Variants in AKAP9 observed in about 807,000 individuals in gnomAD.
AKAP9 encodes the protein A-kinase anchoring protein 9.
In AKAP9, 311 loss-of-function variants were observed where a neutral mutation model predicts 488.5. That is an observed-to-expected ratio of 0.64 (90% CI 0.58 to 0.70). The LOEUF (loss-of-function observed/expected upper bound fraction) is 0.70. Ranked by LOEUF, AKAP9 falls within the 30% of genes least tolerant of loss-of-function variation. The pLI is 0.00. For synonymous variants in AKAP9, 1,462 were observed against 1,483.5 expected (o/e 0.99, Z 0.33); for missense variants, 4,215 against 4,374.5 (o/e 0.96, Z 1.03).
intron 8 of AKAP9, among the ~76,000 whole-genome samples, chr7:92,006,096 C>T (rs768648944): frequency 2.0e-5 from 3 of 151,970 alleles, no homozygotes; most frequent in Non-Finnish European, 2.9e-5. Flanking sequence ...TGGGAGAAGA[C>T]CTGAATTTGA....
In AKAP9 at chr7:92,070,153, A is replaced by G; in HGVS notation, c.6454A>G (p.Arg2152Gly). 6.2e-7 allele frequency: 1 copy of G among 1,614,178 alleles called. No homozygotes were observed. Among genetic ancestry groups the G allele is most frequent in the Non-Finnish European group, 8.5e-7 (1 of 1,180,012 alleles). Residue 2152 changes from arginine to glycine, a missense_variant, in exon 27 of 50, where the codon AGA (arginine) becomes GGA (glycine). Around this residue, in one of 5 missense-constraint regions of AKAP9, gnomAD observed 2,361 missense variants for 2,430.0 expected, o/e 0.97. Transcript: ENST00000356239. Reference protein sequence around the residue: ...RNEEIEKLEFRVRELEQALLV... With the variant: ...RNEEIEKLEFGVRELEQALLV... ...TGAAGAAATAGAGAAACTGGAGTTC[A>G]GAGTAAGAGAACTGGAGCAGGCGCT...
intron 8 of AKAP9, among the ~76,000 whole-genome samples, chr7:92,010,822 T>G (rs1800646260): frequency 6.6e-6 from 1 of 152,110 alleles, no homozygotes; most frequent in African/African-American, 2.4e-5. Context: ...CCTGGCTAAT[T>G]TATTATTATT....
intron 14 of AKAP9, among the ~76,000 whole-genome samples, chr7:92,029,265 G>A (rs901061682): frequency 7.2e-5 from 11 of 151,966 alleles, no homozygotes; most frequent in East Asian, 3.8e-4. Flanking sequence ...AAAAAAGTCC[G>A]AAAGTGAATA....
intron 1 of AKAP9, among the ~76,000 whole-genome samples, chr7:91,945,402 G>A (rs1791341896): frequency 6.6e-6 from 1 of 152,182 alleles, no homozygotes; most frequent in South Asian, 2.1e-4. Flanking sequence ...AGCTACTGGG[G>A]AGGTGGAGGC....
chr7:92,030,425 G>A (rs1563013518), intron 15 of AKAP9, among the ~76,000 whole-genome samples: 1 of 152,000 alleles, frequency 6.6e-6, no homozygotes, highest in Admixed American at 6.6e-5. Context: ...TGTGGATCAC[G>A]AGGTCAGGAG....
In AKAP9 at chr7:91,940,988, C is replaced by A; in HGVS notation, c.-112C>A. 2 of 1,130,834 alleles carry A rather than the reference C, an allele frequency of 1.8e-6. No individual in the cohort carries two copies. The highest frequency in any genetic ancestry group is 2.4e-5 in the East Asian group (1 of 42,384). 70.1% of individuals were successfully genotyped at this position (1,130,834 alleles called of 1,614,324 possible). Reference sequence around the variant, plus strand: ...CGGGCGGGGGAGCGCCGGACCGAATCGGCTCTCTAGGCCGTGGAGCTTGCC... The same window carrying A: ...CGGGCGGGGGAGCGCCGGACCGAATAGGCTCTCTAGGCCGTGGAGCTTGCC... On this transcript the variant is annotated 5_prime_UTR_variant, in exon 1 of 50. Coordinates refer to ENST00000356239, the MANE Select transcript of AKAP9 (RefSeq NM_005751.5).
At chr7:92,042,647 C>A (rs1241390482) in intron 19 of AKAP9, 21 bp from the exon 20 acceptor site, 1 of 1,551,782 alleles carries the variant, frequency 6.4e-7, no homozygotes, top group Non-Finnish European at 8.9e-7. Context: ...CTCCTCTCTT[C>A]CTTTACACAA....
chr7:91,950,565 ATTAG>A (rs952649275), intron 1 of AKAP9, among the ~76,000 whole-genome samples: 1 of 152,158 alleles, frequency 6.6e-6, no homozygotes, highest in Non-Finnish European at 1.5e-5. Flanking sequence ...GTATTGCCTT[ATTAG>A]TTGTTTCCCC....
intron 22 of AKAP9, among the ~76,000 whole-genome samples, chr7:92,054,640 C>T (rs1298022587): frequency 6.6e-6 from 1 of 152,108 alleles, no homozygotes; most frequent in Non-Finnish European, 1.5e-5. Context: ...GATTTCATAA[C>T]CTGTATTATA....
intron 14 of AKAP9, among the ~76,000 whole-genome samples, chr7:92,027,247 TC>T (rs1803392846): frequency 3.9e-5 from 4 of 103,748 alleles, no homozygotes; most frequent in Admixed American, 1.1e-4. Context: ...CGGCTGCCCA[TC>T]GTCTGGGAAG....
At chr7:92,074,413 G>A (rs1563092851) in intron 28 of AKAP9, among the ~76,000 whole-genome samples, 1 of 152,156 alleles carries the variant, frequency 6.6e-6, no homozygotes, top group Admixed American at 6.5e-5. Flanking sequence ...CACTGTTGAT[G>A]GGAGTGTAAA....
chr7:92,074,630 A>G (rs184177939), intron 28 of AKAP9, among the ~76,000 whole-genome samples: 5 of 152,346 alleles, frequency 3.3e-5, no homozygotes, highest in Admixed American at 3.3e-4. Flanking sequence ...CATTAATGAT[A>G]AACTGGATAA....
intron 1 of AKAP9, among the ~76,000 whole-genome samples, chr7:91,962,429 A>G (rs1020823076): frequency 6.6e-6 from 1 of 152,176 alleles, no homozygotes; most frequent in African/African-American, 2.4e-5. Context: ...TTTTGAAACC[A>G]TGAGTTTTTA....
chr7:91,992,544 G>A (rs900595392), intron 4 of AKAP9, among the ~76,000 whole-genome samples: 16 of 151,374 alleles, frequency 1.1e-4, no homozygotes, highest in African/African-American at 3.6e-4. Flanking sequence ...GCCGCCTGTA[G>A]TCCCAGCTAC....
chr7:91,948,819 G>C (rs1791837024), intron 1 of AKAP9, among the ~76,000 whole-genome samples: 2 of 151,506 alleles, frequency 1.3e-5, no homozygotes, highest in Non-Finnish European at 2.9e-5. Context: ...TCACCATGTT[G>C]GCCAGGCTGG....
intron 46 of AKAP9, among the ~76,000 whole-genome samples, chr7:92,104,438 G>T (rs535322252): frequency 6.6e-6 from 1 of 152,002 alleles, no homozygotes; most frequent in Non-Finnish European, 1.5e-5. Context: ...TGATCCGCCC[G>T]CCTCGGCCTC....
intron 3 of AKAP9, among the ~76,000 whole-genome samples, chr7:91,984,480 T>A (rs905294284): frequency 6.6e-6 from 1 of 152,178 alleles, no homozygotes; most frequent in Non-Finnish European, 1.5e-5. Context: ...TTCTGTTCCA[T>A]TGGTCTATAT....
chr7:92,070,807 A>C (rs1208949457), intron 27 of AKAP9, 98 bp from the exon 28 acceptor site: 3 of 130,142 alleles, frequency 2.3e-5, no homozygotes, highest in Non-Finnish European at 3.3e-5. Context: ...GCTGCTTCTC[A>C]AAAAAAAAAA....
intron 1 of AKAP9, among the ~76,000 whole-genome samples, chr7:91,944,617 C>T (rs537896480): frequency 6.1e-4 from 93 of 152,136 alleles, no homozygotes; most frequent in African/African-American, 2.1e-3. Context: ...GAACTCCTGC[C>T]GTTAAGTGAT....
Sources: allele counts gnomAD v4.1 joint callset (sites outside exome capture counted in the v4.1 genomes callset), GRCh38; gene constraint gnomAD v4.1.1; regional missense constraint gnomAD v4.1.1; transcripts MANE v1.5; gene names NCBI Gene and HGNC (gene_info 2026-07-23, HGNC 2026-07-21).